Variants in FAM53A observed in about 807,000 individuals in gnomAD.
FAM53A encodes the protein protein FAM53A.
Under a neutral mutation model 26.6 loss-of-function variants are expected in FAM53A, and 28 were observed. That is an observed-to-expected ratio of 1.05 (90% CI 0.78 to 1.45). The LOEUF (loss-of-function observed/expected upper bound fraction) is 1.45, where lower values mean the gene tolerates loss of function less well. Ranked by LOEUF, FAM53A falls within the 40% of genes most tolerant of loss-of-function variation. FAM53A has a pLI of 0.00. For synonymous variants in FAM53A, 290 were observed against 253.1 expected, an observed-to-expected ratio of 1.15 and a Z score of -1.38; for missense variants, 650 against 575.8, an observed-to-expected ratio of 1.13 and a Z score of -1.32.
the FAM53A span, among the ~76,000 whole-genome samples, chr4:1,578,939 A>G: frequency 2.0e-4 from 21 of 102,560 alleles, no homozygotes; most frequent in Admixed American, 6.9e-4. Flanking sequence ...GAGGGGGAGG[A>G]GAGGGGTCGC....
Position 1,641,486 on chromosome 4 carries a change from A to G in FAM53A, c.1004T>C (p.Met335Thr), listed in dbSNP as rs748109680. 5 of 1,614,202 alleles carry G rather than the reference A, an allele frequency of 3.1e-6. No individual in the cohort carries two copies. In the East Asian group the frequency reaches 8.9e-5, roughly 29 times the overall value. Residue 335 changes from methionine to threonine, a missense_variant, in exon 5 of 5, where the codon ATG becomes ACG. Met to Thr is a moderately conservative substitution (Grantham distance 81). Coordinates refer to ENST00000308132, the MANE Select transcript of FAM53A (RefSeq NM_001174070.3). ...GAGGCCCCTCTGGCTGCAGCCAGGC[A>G]TGGTGATGCCAGGGAGGCCCCGGGA... The part of the protein sequence containing the change: ...CDSRGLPGIT[M>T]PGCSQRGLRT...
chr4:1,636,977 AC>A (rs1181259068), downstream of FAM53A, among the ~76,000 whole-genome samples: 2 of 151,980 alleles, frequency 1.3e-5, no homozygotes, highest in African/African-American at 4.8e-5. Context: ...CCCCCAGGGC[AC>A]TGGCTGAGCT....
At chr4:1,638,767 G>A (rs1212697986), downstream of FAM53A, among the ~76,000 whole-genome samples, 5 of 119,608 alleles carry the variant, frequency 4.2e-5, no homozygotes, top group Non-Finnish European at 7.0e-5. Flanking sequence ...CAGAGCTGGT[G>A]AGGGGCCCCT....
At chr4:1,644,080 G>T in intron 4 of FAM53A, 1 of 1,417,932 alleles carries the variant, frequency 7.1e-7, no homozygotes, top group Non-Finnish European at 9.4e-7. Context: ...GGTGTCACCC[G>T]TGACCTTGCA....
chr4:1,606,720 A>G, the FAM53A span, among the ~76,000 whole-genome samples: 2 of 152,216 alleles, frequency 1.3e-5, no homozygotes, highest in Admixed American at 1.3e-4. Context: ...ATAATAGTCT[A>G]CTGCACGGAT....
intron 4 of FAM53A, among the ~76,000 whole-genome samples, chr4:1,652,240 A>T (rs1712898287): frequency 7.1e-6 from 1 of 141,452 alleles, no homozygotes; most frequent in African/African-American, 2.7e-5. Flanking sequence ...AGTCGCACAC[A>T]CACCACACAC....
At chr4:1,653,539 C>T (rs1296677535) in intron 4 of FAM53A, among the ~76,000 whole-genome samples, 1 of 152,240 alleles carries the variant, frequency 6.6e-6, no homozygotes, top group African/African-American at 2.4e-5. Context: ...CAAGCCCTGG[C>T]AAGCAGGGAC....
downstream of FAM53A, among the ~76,000 whole-genome samples, chr4:1,637,959 T>C (rs965350820): frequency 2.0e-5 from 3 of 150,904 alleles, no homozygotes; most frequent in South Asian, 2.1e-4. Context: ...CAGAGGGCCC[T>C]GGGACCCCCT....
At chr4:1,623,559 G>A (rs1715148019) in intron 1 of FAM53A, among the ~76,000 whole-genome samples, 1 of 152,212 alleles carries the variant, frequency 6.6e-6, no homozygotes, top group Admixed American at 6.5e-5. Context: ...GGCCTGGCCG[G>A]CCCCTCCTGC....
chr4:1,593,631 A>G, the FAM53A span, among the ~76,000 whole-genome samples: 1 of 152,068 alleles, frequency 6.6e-6, no homozygotes, highest in Non-Finnish European at 1.5e-5. Context: ...GGATCTATTT[A>G]AAAGATAGCG....
At chr4:1,675,193 G>C (rs1472364272) in intron 1 of FAM53A, among the ~76,000 whole-genome samples, 1 of 152,224 alleles carries the variant, frequency 6.6e-6, no homozygotes, top group African/African-American at 2.4e-5. Context: ...ATGTAGAAGA[G>C]ACGTGGGAAG....
chr4:1,623,224 TC>T (rs1715128332), intron 1 of FAM53A, among the ~76,000 whole-genome samples: 1 of 152,154 alleles, frequency 6.6e-6, no homozygotes, highest in African/African-American at 2.4e-5. Flanking sequence ...GGAGACTGTG[TC>T]CAGCTGCAGG....
chr4:1,650,385 T>TTGAC (rs35415410), intron 4 of FAM53A, among the ~76,000 whole-genome samples: 79,109 of 127,646 alleles, frequency 0.62, 25,312 homozygotes, highest in African/African-American at 0.73. Context: ...GGTGTGGTGT[T>TTGAC]TGTGAGGTGG....
At chr4:1,577,593 C>G in the FAM53A span, among the ~76,000 whole-genome samples, 1 of 152,184 alleles carries the variant, frequency 6.6e-6, no homozygotes, top group South Asian at 2.1e-4. Context: ...TTTTTAATTA[C>G]CAGCCCTGGG....
chr4:1,644,322 C>T (rs1712038945), intron 4 of FAM53A: 1 of 1,535,818 alleles, frequency 6.5e-7, no homozygotes, highest in African/African-American at 1.4e-5. Flanking sequence ...GGGACTCGCA[C>T]TCGCGGGCAC....
chr4:1,609,015 C>T, the FAM53A span, among the ~76,000 whole-genome samples: 1 of 151,994 alleles, frequency 6.6e-6, no homozygotes, highest in Non-Finnish European at 1.5e-5. Flanking sequence ...TGGCGGCTGC[C>T]GATGCAGTTC....
the FAM53A span, among the ~76,000 whole-genome samples, chr4:1,579,247 G>GCCCCGGC: frequency 0.059 from 8,563 of 145,644 alleles, 370 homozygotes; most frequent in African/African-American, 0.12. Flanking sequence ...CCCAGCCAGA[G>GCCCCGGC]CCCCGGCCCC....
chr4:1,626,194 G>A (rs1238891361), intron 1 of FAM53A, among the ~76,000 whole-genome samples: 1 of 152,192 alleles, frequency 6.6e-6, no homozygotes, highest in African/African-American at 2.4e-5. Flanking sequence ...AGCAAGCCAG[G>A]GGCGGTTGGC....
chr4:1,667,621 T>C (rs749017258), intron 2 of FAM53A, among the ~76,000 whole-genome samples: 2 of 152,066 alleles, frequency 1.3e-5, no homozygotes, highest in Non-Finnish European at 1.5e-5. Context: ...AGACCCTCAC[T>C]GGAACCCCCT....
Sources: gnomAD v4.1 joint callset for allele counts (sites outside exome capture counted in the v4.1 genomes callset) on GRCh38, gnomAD v4.1.1 for gene constraint, MANE v1.5 for transcripts, NCBI Gene and HGNC (gene_info 2026-07-23, HGNC 2026-07-21) for gene names.